Variants in MAP2 observed in about 807,000 individuals in gnomAD.
MAP2 encodes microtubule associated protein 2.
Under a neutral mutation model 137.6 loss-of-function variants are expected in MAP2, and 14 were observed. That is an observed-to-expected ratio of 0.10 (90% CI 0.07 to 0.16). The LOEUF (loss-of-function observed/expected upper bound fraction) is 0.16, where lower values mean the gene tolerates loss of function less well. MAP2 is among the 10% of genes least tolerant of loss of function. The probability of loss-of-function intolerance (pLI) is 1.00; values close to 1 mark genes in which losing one functional copy is unlikely to be tolerated. For synonymous variants in MAP2, 786 were observed against 782.3 expected (o/e 1.00, Z -0.08); for missense variants, 2,088 against 2,191.5 (o/e 0.95, Z 0.94).
chr2:209,542,204 A>G (rs1461710920), intron 2 of MAP2, among the ~76,000 whole-genome samples: 2 of 152,268 alleles, frequency 1.3e-5, no homozygotes, highest in Non-Finnish European at 2.9e-5. Flanking sequence ...TGCTTTGTCA[A>G]TGAGCAGTAA....
At chr2:209,481,221 C>T (rs1308346061) in intron 1 of MAP2, among the ~76,000 whole-genome samples, 1 of 152,192 alleles carries the variant, frequency 6.6e-6, no homozygotes, top group African/African-American at 2.4e-5. Context: ...AGAGGGAGAA[C>T]TTGAGCTGCT....
At chr2:209,531,109 T>C (rs1436462177) in intron 2 of MAP2, among the ~76,000 whole-genome samples, 2 of 152,222 alleles carry the variant, frequency 1.3e-5, no homozygotes, top group Non-Finnish European at 2.9e-5. Flanking sequence ...TTCTGATTAG[T>C]GGCCAACATT....
chr2:209,547,175 G>A (rs932218215), intron 2 of MAP2, among the ~76,000 whole-genome samples: 13 of 152,082 alleles, frequency 8.5e-5, no homozygotes, highest in African/African-American at 3.1e-4. Context: ...GATGTGTGAA[G>A]AGATATGCTC....
At chr2:209,494,700 T>G (rs1225262471) in intron 1 of MAP2, among the ~76,000 whole-genome samples, 2 of 152,200 alleles carry the variant, frequency 1.3e-5, no homozygotes, top group Non-Finnish European at 2.9e-5. Flanking sequence ...CTTTATTCCT[T>G]TACTTTCTTA....
intron 1 of MAP2, among the ~76,000 whole-genome samples, chr2:209,470,234 G>C (rs1162454548): frequency 6.6e-6 from 1 of 152,188 alleles, no homozygotes; most frequent in Non-Finnish European, 1.5e-5. Context: ...CTATGCGGGA[G>C]AAGATCATTA....
intron 4 of MAP2, among the ~76,000 whole-genome samples, chr2:209,644,841 A>G (rs2710479): frequency 0.23 from 34,258 of 152,010 alleles, 6,346 homozygotes; most frequent in African/African-American, 0.49. Context: ...ATTTTAAATG[A>G]GTAGAAATGA....
chr2:209,477,379 C>A (rs1707531047), intron 1 of MAP2, among the ~76,000 whole-genome samples: 1 of 151,626 alleles, frequency 6.6e-6, no homozygotes, highest in Non-Finnish European at 1.5e-5. Flanking sequence ...AACTGTAGTA[C>A]ATAAATATGG....
intron 4 of MAP2, among the ~76,000 whole-genome samples, chr2:209,633,365 A>G (rs1210525259): frequency 6.6e-6 from 1 of 152,162 alleles, no homozygotes; most frequent in Non-Finnish European, 1.5e-5. Flanking sequence ...TATCTGCACT[A>G]TAGAAAAATC....
chr2:209,486,370 T>A (rs1206084191), intron 1 of MAP2, among the ~76,000 whole-genome samples: 5 of 151,824 alleles, frequency 3.3e-5, no homozygotes, highest in African/African-American at 1.2e-4. Flanking sequence ...ACTACCGGAG[T>A]GCGCCACCAT....
chr2:209,705,295 T>A (rs111733182), intron 11 of MAP2: 40 of 205,050 alleles, frequency 2.0e-4, no homozygotes, highest in African/African-American at 9.0e-4. Context: ...ATTAGTAATT[T>A]GCTGAAGATT....
At chr2:209,591,372 T>C (rs930792127) in intron 3 of MAP2, among the ~76,000 whole-genome samples, 7 of 152,202 alleles carry the variant, frequency 4.6e-5, no homozygotes, top group Non-Finnish European at 1.0e-4. Flanking sequence ...AATAGAGAGT[T>C]ATCTGGCTCA....
In MAP2 at chr2:209,696,121, T is replaced by G; in HGVS notation, c.3951T>G (p.Pro1317=). The change falls in exon 8 of 16, where the codon CCT becomes CCG. Residue 1317 remains proline (P), a synonymous_variant. Transcript: ENST00000682079. ...TGCGTTTTGCAGCCCTAGAGCAGCC[T>G]GAGGTGGAAAGGAGACCATCTCCTC... ...HSVRFAALEQ[P]EVERRPSPHD... 6.2e-7 allele frequency: 1 copy of G among 1,613,558 alleles called. No individual in the cohort carries two copies. The highest frequency in any genetic ancestry group is 8.5e-7 in the Non-Finnish European group (1 of 1,179,786).
intron 3 of MAP2, among the ~76,000 whole-genome samples, chr2:209,588,832 G>A (rs913811125): frequency 1.3e-5 from 2 of 151,928 alleles, no homozygotes; most frequent in Non-Finnish European, 2.9e-5. Context: ...AATAGTGGGA[G>A]CAGAAATTCC....
rs188461963 is a variant in MAP2 at position 209,585,087 on chromosome 2, C to T, written c.-107+4987C>T. Among the ~76,000 whole-genome samples the T allele has an allele frequency of 1.1e-4, 16 of 151,742 alleles. No homozygotes were observed. The East Asian group carries it at 2.7e-3, about 26-fold the overall frequency. ...GCTGGATATGTGGGTGGACTGGGCTCGTAGATTGCAGAACATGCAGATCCA... is the reference window on the plus strand; with the variant it reads ...GCTGGATATGTGGGTGGACTGGGCTTGTAGATTGCAGAACATGCAGATCCA... On this transcript the variant is annotated intron_variant, in intron 3 of 15. Transcript: ENST00000682079.
chr2:209,576,532 C>A (rs949403254), intron 2 of MAP2, among the ~76,000 whole-genome samples: 4 of 152,092 alleles, frequency 2.6e-5, no homozygotes, highest in Admixed American at 2.6e-4. Context: ...CAGGCATGAA[C>A]CACCATGCCT....
At chr2:209,590,777 G>C (rs1029207790) in intron 3 of MAP2, among the ~76,000 whole-genome samples, 5 of 152,174 alleles carry the variant, frequency 3.3e-5, no homozygotes, top group African/African-American at 1.2e-4. Flanking sequence ...ATTGAAGAGT[G>C]CTGCTCTGGA....
At chr2:209,600,341 G>A (rs2082619006) in intron 3 of MAP2, among the ~76,000 whole-genome samples, 1 of 152,208 alleles carries the variant, frequency 6.6e-6, no homozygotes, top group Non-Finnish European at 1.5e-5. Flanking sequence ...AAAGCTGGCA[G>A]GGGCAATGTT....
At chr2:209,498,845 T>G (rs1050642983) in intron 1 of MAP2, among the ~76,000 whole-genome samples, 1 of 152,136 alleles carries the variant, frequency 6.6e-6, no homozygotes, top group African/African-American at 2.4e-5. Context: ...CATTCTTCCC[T>G]CATAGGCCTC....
chr2:209,431,497 T>C (rs1694271463), intron 1 of MAP2, among the ~76,000 whole-genome samples: 1 of 152,170 alleles, frequency 6.6e-6, no homozygotes, highest in Non-Finnish European at 1.5e-5. Flanking sequence ...TTCTCAAGAC[T>C]TGCTATTTAT....
Sources: gnomAD v4.1 joint callset for allele counts (sites outside exome capture counted in the v4.1 genomes callset) on GRCh38, gnomAD v4.1.1 for gene constraint, MANE v1.5 for transcripts, NCBI Gene and HGNC (gene_info 2026-07-23, HGNC 2026-07-21) for gene names.